GNB1: variants seen among roughly 807,000 people sequenced by gnomAD.
GNB1 encodes guanine nucleotide-binding protein G(I)/G(S)/G(T) subunit beta-1.
GNB1 carries 2 observed loss-of-function variants against 42.9 expected under a neutral mutation model. The observed-to-expected ratio is 0.05, with a 90% confidence interval of 0.02 to 0.15. The LOEUF is 0.15. Among genes scored for constraint, GNB1 ranks in the 10% least tolerant of loss-of-function variants. GNB1 has a pLI of 1.00. For missense variants in GNB1, 193 were observed against 462.2 expected (o/e 0.42, Z 5.34); for synonymous variants, 183 against 174.7 (o/e 1.05, Z -0.38).
chr1:1,839,300 T>C (rs184148633), intron 1 of GNB1, 62 bp from the exon 2 acceptor site: 1 of 152,340 alleles, frequency 6.6e-6, no homozygotes, highest in Non-Finnish European at 1.5e-5. Context: ...AATATTCTAT[T>C]TTGCTAGTAG....
intron 1 of GNB1, among the ~76,000 whole-genome samples, chr1:1,853,855 T>C (rs1334909248): frequency 6.6e-6 from 1 of 152,094 alleles, no homozygotes; most frequent in Non-Finnish European, 1.5e-5. Flanking sequence ...CACAAATATT[T>C]ACTTGGGAGT....
chr1:1,886,862 C>T (rs1240010626), intron 1 of GNB1, among the ~76,000 whole-genome samples: 2 of 152,112 alleles, frequency 1.3e-5, no homozygotes, highest in African/African-American at 4.8e-5. Flanking sequence ...CCCAGCACCA[C>T]GCCCAGCTAA....
chr1:1,835,149 T>C (rs1166802654), intron 2 of GNB1, among the ~76,000 whole-genome samples: 1 of 152,196 alleles, frequency 6.6e-6, no homozygotes, highest in Non-Finnish European at 1.5e-5. Flanking sequence ...AGAATTCTGT[T>C]CCTAGAAAAA....
At chr1:1,879,281 G>A (rs1212877301) in intron 1 of GNB1, among the ~76,000 whole-genome samples, 1 of 152,144 alleles carries the variant, frequency 6.6e-6, no homozygotes, top group Admixed American at 6.6e-5. Context: ...GACCCCAGGG[G>A]CTTTTGTTTA....
chr1:1,817,922 C>A, intron 3 of GNB1, 47 bp from the exon 4 acceptor site: 3 of 1,424,054 alleles, frequency 2.1e-6, no homozygotes, highest in African/African-American at 1.4e-5. Context: ...CAGATACATT[C>A]AATCTCAGGT....
intron 1 of GNB1, among the ~76,000 whole-genome samples, chr1:1,851,103 A>G (rs1474763173): frequency 6.6e-6 from 1 of 151,978 alleles, no homozygotes; most frequent in East Asian, 1.9e-4. Flanking sequence ...CCCCGTCTCT[A>G]CTAAAAATAC....
intron 1 of GNB1, among the ~76,000 whole-genome samples, chr1:1,886,510 T>C (rs1026826485): frequency 6.6e-6 from 1 of 152,218 alleles, no homozygotes; most frequent in African/African-American, 2.4e-5. Context: ...CCATATACGT[T>C]GGCCCTGCTT....
intron 2 of GNB1, among the ~76,000 whole-genome samples, chr1:1,836,387 CTTTT>C (rs34812880): frequency 0.011 from 917 of 85,152 alleles, 10 homozygotes; most frequent in African/African-American, 0.035. Context: ...CTTAATATTG[CTTTT>C]TTTTTTTTTT....
At position 1,867,972 on chromosome 1, in the gene GNB1, C is replaced by G. The variant is rs369664696; in HGVS notation, c.-96+22848G>C. Among the ~76,000 whole-genome samples the G allele has an allele frequency of 7.1e-4, 108 of 152,268 alleles. 2 individuals carry two copies. The South Asian group carries it at 0.022, about 30-fold the overall frequency. ...CTTACCTATAATACTTATAAAAAAT[C>G]TACTAGGAAACGTTCCCCCTTTTCT... is the stretch of plus-strand genomic sequence containing the variant. On this transcript the variant is annotated intron_variant, in intron 1 of 11. Transcript: ENST00000378609.
Position 1,793,248 on chromosome 1 carries a change from G to A in GNB1, c.494C>T (p.Thr165Met), listed in dbSNP as rs1172485394. Residue 165 changes from threonine to methionine, a missense_variant, in exon 8 of 12, where the codon ACG becomes ATG. Physicochemically the swap from Thr to Met is moderately conservative, Grantham distance 81 (BLOSUM62 -1). Transcript: ENST00000378609. ...CTGCCCCGGGTCAGGTACTTACCAC[G>A]TGGTGTCTCCAGAGCTGGTGACGAT... ...NQIVTSSGDT[T>M]CALWDIETGQ... 8.7e-6 allele frequency: 14 copies of A among 1,609,922 alleles called. No homozygotes were observed. Among genetic ancestry groups the A allele is most frequent in the Non-Finnish European group, 1.2e-5 (14 of 1,176,684 alleles).
At chr1:1,870,099 G>C (rs1649167366) in intron 1 of GNB1, among the ~76,000 whole-genome samples, 1 of 152,158 alleles carries the variant, frequency 6.6e-6, no homozygotes, top group Admixed American at 6.5e-5. Flanking sequence ...GACCTCAAGT[G>C]ATCTGCCCGC....
intron 7 of GNB1, among the ~76,000 whole-genome samples, chr1:1,794,964 A>C (rs1646527290): frequency 6.6e-6 from 1 of 152,234 alleles, no homozygotes; most frequent in African/African-American, 2.4e-5. Context: ...CTAGGATTAC[A>C]GGCGTGAGCC....
At chr1:1,839,048 G>C (rs1367319392) in intron 2 of GNB1, 142 bp downstream of exon 2, 1 of 152,116 alleles carries the variant, frequency 6.6e-6, no homozygotes, top group African/African-American at 2.4e-5. Flanking sequence ...TTGACCCCAG[G>C]AGTTAGAATC....
chr1:1,887,228 G>A (rs775015500), intron 1 of GNB1, among the ~76,000 whole-genome samples: 9 of 152,064 alleles, frequency 5.9e-5, no homozygotes, highest in Non-Finnish European at 1.2e-4. Flanking sequence ...TTCGGGCAGA[G>A]AAAAACAACG....
intron 5 of GNB1, among the ~76,000 whole-genome samples, chr1:1,807,463 G>GA (rs533616486): frequency 0.053 from 1,358 of 25,534 alleles, 339 homozygotes; most frequent in African/African-American, 0.061. Flanking sequence ...GATCCTGACT[G>GA]AAAAAAAAAA....
chr1:1,887,939 T>A (rs6603804), intron 1 of GNB1, among the ~76,000 whole-genome samples: 2 of 152,126 alleles, frequency 1.3e-5, no homozygotes, highest in Non-Finnish European at 2.9e-5. Context: ...AAACAAACAA[T>A]AAAAAAACCA....
At chr1:1,813,157 T>C (rs950419500) in intron 5 of GNB1, among the ~76,000 whole-genome samples, 6 of 144,712 alleles carry the variant, frequency 4.1e-5, no homozygotes, top group Admixed American at 2.1e-4. Context: ...ACATTTTTTC[T>C]TTTTTTTTTT....
intron 7 of GNB1, among the ~76,000 whole-genome samples, chr1:1,802,763 TA>T (rs374872245): frequency 3.1e-3 from 429 of 137,446 alleles, no homozygotes; most frequent in Middle Eastern, 3.6e-3. Context: ...GACTCCATCT[TA>T]AAAAAAAAAA....
intron 5 of GNB1, among the ~76,000 whole-genome samples, chr1:1,809,151 C>T (rs1228261850): frequency 1.3e-5 from 2 of 150,870 alleles, no homozygotes; most frequent in Non-Finnish European, 2.9e-5. Context: ...GAACTAAAAA[C>T]TAAGTGCAGG....
Sources: gnomAD v4.1 joint callset for allele counts (sites outside exome capture counted in the v4.1 genomes callset) on GRCh38, gnomAD v4.1.1 for gene constraint, MANE v1.5 for transcripts, NCBI Gene and HGNC (gene_info 2026-07-23, HGNC 2026-07-21) for gene names.